Variants in NUS1 observed in about 807,000 individuals in gnomAD.
NUS1 encodes NUS1 dehydrodolichyl diphosphate synthase subunit, also known as dehydrodolichyl diphosphate synthase complex subunit NUS1.
For synonymous variants in NUS1, 135 were observed against 155.2 expected (o/e 0.87, Z 0.97); for missense variants, 292 against 382.9 (o/e 0.76, Z 1.98).
chr6:117,694,062 G>A lies in NUS1; in HGVS notation c.573G>A (p.Leu191=), dbSNP rs1052232. 9 of 1,611,146 alleles carry A rather than the reference G, an allele frequency of 5.6e-6. No homozygotes were observed. The highest frequency in any genetic ancestry group is 5.3e-5 in the African/African-American group (4 of 74,808). The change falls in exon 3 of 5, where the codon CTG becomes CTA. Residue 191 remains leucine, a synonymous_variant. Transcript: ENST00000368494. The part of the protein sequence containing the change: ...VLNCHLAVKV[L]SPEDGKADIV... ...ATTGCCATTTGGCAGTGAAGGTGCT[G>A]TCTCCGGAAGATGGAAAAGCAGATA...
chr6:117,688,097 C>T (rs1183648583), intron 1 of NUS1, among the ~76,000 whole-genome samples: 1 of 152,300 alleles, frequency 6.6e-6, no homozygotes, highest in East Asian at 1.9e-4. Flanking sequence ...GTGATATGCA[C>T]CTGTAGTCCC....
At chr6:117,693,758 A>G (rs1221341156) in intron 2 of NUS1, among the ~76,000 whole-genome samples, 1 of 152,194 alleles carries the variant, frequency 6.6e-6, no homozygotes, top group Non-Finnish European at 1.5e-5. Context: ...TCTGTTTTCT[A>G]GAGGATGTAG....
At chr6:117,676,148 G>A in intron 1 of NUS1, 63 bp downstream of exon 1, 1 of 1,546,238 alleles carries the variant, frequency 6.5e-7, no homozygotes, top group Non-Finnish European at 8.7e-7. Context: ...CCGCTGGTCT[G>A]GCGGGTGGTG....
At chr6:117,688,685 CT>C (rs1215513807) in intron 1 of NUS1, among the ~76,000 whole-genome samples, 1 of 152,124 alleles carries the variant, frequency 6.6e-6, no homozygotes, top group Non-Finnish European at 1.5e-5. Flanking sequence ...CAAGGTTTGG[CT>C]TTGTTCACTC....
At chr6:117,701,998 TTC>T (rs1204275874) in intron 3 of NUS1, among the ~76,000 whole-genome samples, 1 of 152,214 alleles carries the variant, frequency 6.6e-6, no homozygotes, top group Non-Finnish European at 1.5e-5. Context: ...TTGCCACCAG[TTC>T]TCAAGTTTCC....
At chr6:117,688,491 A>C (rs559824121) in intron 1 of NUS1, among the ~76,000 whole-genome samples, 4 of 152,130 alleles carry the variant, frequency 2.6e-5, no homozygotes, top group South Asian at 4.1e-4. Flanking sequence ...TAGCAATTAC[A>C]ATTTTAAATC....
At chr6:117,700,921 TAG>T (rs1405746965) in intron 3 of NUS1, among the ~76,000 whole-genome samples, 1 of 151,466 alleles carries the variant, frequency 6.6e-6, no homozygotes. Flanking sequence ...CTCATGGAGA[TAG>T]AGAGTAGAGG....
At chr6:117,704,007 GA>G (rs747563469) in intron 4 of NUS1, among the ~76,000 whole-genome samples, 18 of 152,128 alleles carry the variant, frequency 1.2e-4, no homozygotes, top group Admixed American at 7.2e-4. Flanking sequence ...CTTATTTAGA[GA>G]AAAGGCGAGA....
chr6:117,679,594 C>G (rs1773031955), intron 1 of NUS1, among the ~76,000 whole-genome samples: 1 of 152,136 alleles, frequency 6.6e-6, no homozygotes, highest in Non-Finnish European at 1.5e-5. Flanking sequence ...AGTCTGGGAC[C>G]CAAAGGTTTC....
At chr6:117,685,354 A>G (rs1369652081) in intron 1 of NUS1, among the ~76,000 whole-genome samples, 1 of 151,896 alleles carries the variant, frequency 6.6e-6, no homozygotes, top group South Asian at 2.1e-4. Context: ...TTTTGTCATA[A>G]TGGCTATTTG....
At chr6:117,690,646 C>T (rs1256395248) in intron 1 of NUS1, among the ~76,000 whole-genome samples, 5 of 152,054 alleles carry the variant, frequency 3.3e-5, no homozygotes, top group South Asian at 2.1e-4. Context: ...TGTCTAAAAC[C>T]GAACTCATCC....
At chr6:117,679,291 G>C (rs568657397) in intron 1 of NUS1, among the ~76,000 whole-genome samples, 34 of 152,262 alleles carry the variant, frequency 2.2e-4, no homozygotes, top group African/African-American at 7.9e-4. Context: ...AGATAGAATT[G>C]GGATTGGCGT....
chr6:117,685,310 C>T (rs1234497094), intron 1 of NUS1, among the ~76,000 whole-genome samples: 1 of 150,652 alleles, frequency 6.6e-6, no homozygotes, highest in African/African-American at 2.4e-5. Context: ...GTGCAGTTTC[C>T]TTACTTTGGA....
chr6:117,694,850 T>C (rs960760600), intron 3 of NUS1, among the ~76,000 whole-genome samples: 1 of 152,092 alleles, frequency 6.6e-6, no homozygotes, highest in Non-Finnish European at 1.5e-5. Flanking sequence ...GCATACAGTT[T>C]TAGACATTCA....
rs900775261 is a variant in NUS1 at position 117,675,523 on chromosome 6, G to A, written c.-148G>A. 6.8e-6 allele frequency: 5 copies of A among 730,530 alleles called. No homozygotes were observed. Among genetic ancestry groups the A allele is most frequent in the African/African-American group, 1.8e-5 (1 of 55,478 alleles). 45.3% of individuals were successfully genotyped at this position (730,530 alleles called of 1,614,324 possible). Reference sequence around the variant, plus strand: ...GGAGGAAGATGGCGGCGGGGGCGAGGTGAGGTGTTGGCAGTGGAAAGGGGT... The same window carrying A: ...GGAGGAAGATGGCGGCGGGGGCGAGATGAGGTGTTGGCAGTGGAAAGGGGT... On this transcript the variant is annotated 5_prime_UTR_variant, in exon 1 of 5. The change creates a new upstream start codon in the 5' untranslated region. Transcript: ENST00000368494.
At chr6:117,704,575 G>T (rs1264004697) in intron 4 of NUS1, among the ~76,000 whole-genome samples, 1 of 152,132 alleles carries the variant, frequency 6.6e-6, no homozygotes, top group South Asian at 2.1e-4. Context: ...AGGCTCCTGG[G>T]CTGTATTTGC....
At chr6:117,676,140 G>T in intron 1 of NUS1, 55 bp downstream of exon 1, 3 of 1,547,726 alleles carry the variant, frequency 1.9e-6, no homozygotes, top group Non-Finnish European at 1.7e-6. Flanking sequence ...CCGCTAGACC[G>T]CTGGTCTGGC....
chr6:117,680,475 C>A (rs998304323), intron 1 of NUS1, among the ~76,000 whole-genome samples: 1 of 152,134 alleles, frequency 6.6e-6, no homozygotes, highest in Non-Finnish European at 1.5e-5. Context: ...TTGCTGGGAA[C>A]CTTGCTGTTG....
intron 1 of NUS1, among the ~76,000 whole-genome samples, chr6:117,683,720 T>C (rs566605175): frequency 3.9e-5 from 6 of 152,328 alleles, no homozygotes; most frequent in South Asian, 4.1e-4. Context: ...AGGGAATAAA[T>C]AATCACAGTA....
Sources: gnomAD v4.1 joint callset for allele counts (sites outside exome capture counted in the v4.1 genomes callset) on GRCh38, gnomAD v4.1.1 for gene constraint, MANE v1.5 for transcripts, NCBI Gene and HGNC (gene_info 2026-07-23, HGNC 2026-07-21) for gene names.